Variants in PTK2B observed in about 807,000 individuals in gnomAD.
The protein encoded by PTK2B is protein-tyrosine kinase 2-beta.
In PTK2B, 71 loss-of-function variants were observed where a neutral mutation model predicts 142.9. The observed-to-expected ratio is 0.50, with a 90% confidence interval of 0.41 to 0.61. PTK2B has a LOEUF of 0.61. Ranked by LOEUF, PTK2B falls within the 20% of genes least tolerant of loss-of-function variation. PTK2B has a pLI of 0.00. For synonymous variants in PTK2B, 519 were observed against 503.4 expected (o/e 1.03, Z -0.42); for missense variants, 1,105 against 1,320.4 (o/e 0.84, Z 2.53).
intron 19 of PTK2B, 43 bp downstream of exon 19, chr8:27,439,174 G>A (rs778755112): frequency 5.0e-6 from 8 of 1,588,812 alleles, no homozygotes; most frequent in Middle Eastern, 1.7e-4. Context: ...TGGAGGGGTC[G>A]CTGAAGCCAA....
chr8:27,423,783 C>T (rs1809907349), intron 5 of PTK2B, among the ~76,000 whole-genome samples: 2 of 152,114 alleles, frequency 1.3e-5, no homozygotes, highest in African/African-American at 4.8e-5. Flanking sequence ...GGGAGAGTCC[C>T]ACTTTGATTT....
At chr8:27,387,381 G>C (rs1280379751) in intron 1 of PTK2B, among the ~76,000 whole-genome samples, 1 of 152,210 alleles carries the variant, frequency 6.6e-6, no homozygotes, top group African/African-American at 2.4e-5. Context: ...ATATGCAAAT[G>C]TGAAGCTCCT....
chr8:27,388,364 A>T (rs1563243233), intron 1 of PTK2B, among the ~76,000 whole-genome samples: 2 of 152,258 alleles, frequency 1.3e-5, no homozygotes, highest in Admixed American at 1.3e-4. Flanking sequence ...GTTAAAGATG[A>T]CAAAGAGTGT....
At chr8:27,454,666 A>G in intron 30 of PTK2B, 55 bp downstream of exon 30, 1 of 1,570,494 alleles carries the variant, frequency 6.4e-7, no homozygotes. Context: ...CCTGCTTATG[A>G]GCCTCATTAG....
rs1810734172 is a variant in PTK2B, at chr8:27,435,760, G to C, written c.1210G>C (p.Glu404Gln). The change falls in exon 14 of 31, where the codon GAG (glutamate) becomes CAG (glutamine). Residue 404 changes from glutamate (E) to glutamine (Q), a missense_variant. By Grantham distance (29) the Glu-to-Gln change is conservative. Coordinates refer to ENST00000346049, the MANE Select transcript of PTK2B (RefSeq NM_173176.3). ...TGTTCCAGAGTCAGACATCTACGCA[G>C]AGATTCCCGACGAAACCCTGCGAAG... Reference protein sequence around the residue: ...SCSIESDIYAEIPDETLRRPG... With the variant: ...SCSIESDIYAQIPDETLRRPG... 6.2e-7 allele frequency: 1 copy of C among 1,614,062 alleles called. No homozygotes were observed. The highest frequency in any genetic ancestry group is 1.3e-5 in the African/African-American group (1 of 74,928).
chr8:27,434,333 G>A (rs1415226857), intron 12 of PTK2B, among the ~76,000 whole-genome samples, 180 bp from the exon 13 acceptor site: 1 of 152,150 alleles, frequency 6.6e-6, no homozygotes, highest in African/African-American at 2.4e-5. Flanking sequence ...GTTATCCTGG[G>A]GGGTTGCTGC....
intron 1 of PTK2B, among the ~76,000 whole-genome samples, chr8:27,327,699 A>G (rs935228004): frequency 1.3e-5 from 2 of 152,206 alleles, no homozygotes; most frequent in African/African-American, 4.8e-5. Context: ...TTATTCATCT[A>G]TACAGGTGAA....
In PTK2B at chr8:27,365,900, A is replaced by G. The variant is rs148556482; in HGVS notation, c.-37-31648A>G. ...TGCTCCTCAGTTATGAAATGAACCA[A>G]TTAAGGACTTCGGACTTAGCCAGTC... On this transcript the variant is annotated intron_variant, in intron 1 of 30. Coordinates refer to ENST00000346049, the MANE Select transcript of PTK2B (RefSeq NM_173176.3). 1.5e-3 allele frequency among the ~76,000 whole-genome samples: 221 copies of G among 152,298 alleles called. 3 individuals carry two copies. Among genetic ancestry groups the G allele is most frequent in the Middle Eastern group, 0.014 (4 of 292 alleles).
At chr8:27,351,776 A>C (rs1805106882) in intron 1 of PTK2B, among the ~76,000 whole-genome samples, 1 of 152,222 alleles carries the variant, frequency 6.6e-6, no homozygotes, top group South Asian at 2.1e-4. Flanking sequence ...AGCAGTCAGC[A>C]AATCTCTCAA....
chr8:27,340,655 A>G (rs778788545), intron 1 of PTK2B, among the ~76,000 whole-genome samples: 10 of 152,256 alleles, frequency 6.6e-5, no homozygotes, highest in Non-Finnish European at 1.0e-4. Context: ...CCCAGGCCAC[A>G]GGAGCTCTTG....
chr8:27,390,743 T>C lies in PTK2B; in HGVS notation c.-37-6805T>C, dbSNP rs75536440. Reference sequence around the variant, plus strand: ...TTCCAAGTCACAGACACTTAAAAAATGTATGTGCCAAGGAGTTTGCAGAAG... The same window carrying C: ...TTCCAAGTCACAGACACTTAAAAAACGTATGTGCCAAGGAGTTTGCAGAAG... On this transcript the variant is annotated intron_variant, in intron 1 of 30. Coordinates refer to ENST00000346049, the MANE Select transcript of PTK2B (RefSeq NM_173176.3). Among the ~76,000 whole-genome samples the C allele has an allele frequency of 6.1e-3, 936 of 152,316 alleles. 11 individuals carry two copies. The highest frequency in any genetic ancestry group is 0.022 in the African/African-American group (907 of 41,570).
chr8:27,328,690 A>G (rs1284823136), intron 1 of PTK2B, among the ~76,000 whole-genome samples: 1 of 152,212 alleles, frequency 6.6e-6, no homozygotes, highest in African/African-American at 2.4e-5. Flanking sequence ...TGCAAGATCA[A>G]GGTTATGATA....
intron 10 of PTK2B, 83 bp from the exon 11 acceptor site, chr8:27,433,352 T>C (rs200814368): frequency 8.6e-7 from 1 of 1,162,844 alleles, no homozygotes; most frequent in South Asian, 1.4e-5. Flanking sequence ...GTGGCAGGGG[T>C]CCTGCCATCT....
intron 2 of PTK2B, among the ~76,000 whole-genome samples, chr8:27,400,381 T>C (rs1308380818): frequency 6.6e-6 from 1 of 150,910 alleles, no homozygotes; most frequent in Admixed American, 6.6e-5. Flanking sequence ...AACCACTAGA[T>C]CTCTGGCCAA....
intron 1 of PTK2B, among the ~76,000 whole-genome samples, chr8:27,351,990 A>G (rs1371202802): frequency 1.3e-5 from 2 of 152,210 alleles, no homozygotes; most frequent in South Asian, 2.1e-4. Flanking sequence ...GGTCTCTTCA[A>G]TAAATATGAC....
At chr8:27,322,535 A>G (rs1803242905), upstream of PTK2B, 1 of 152,226 alleles carries the variant, frequency 6.6e-6, no homozygotes, top group African/African-American at 2.4e-5. Flanking sequence ...AGCTTACTTT[A>G]ATTGCTATCA....
At chr8:27,328,640 G>T (rs954647837) in intron 1 of PTK2B, among the ~76,000 whole-genome samples, 2 of 152,172 alleles carry the variant, frequency 1.3e-5, no homozygotes, top group South Asian at 4.1e-4. Flanking sequence ...CTGATGAAAC[G>T]TTCAAATGAG....
intron 20 of PTK2B, among the ~76,000 whole-genome samples, chr8:27,439,607 T>G (rs1811028080): frequency 6.6e-6 from 1 of 152,074 alleles, no homozygotes; most frequent in Non-Finnish European, 1.5e-5. Context: ...GCCTGGGCTG[T>G]GCAGGCTCAT....
chr8:27,437,936 A>G, intron 18 of PTK2B, 56 bp downstream of exon 18: 1 of 1,433,922 alleles, frequency 7.0e-7, no homozygotes, highest in Non-Finnish European at 9.7e-7. Context: ...CCAGATCCTC[A>G]AGGCCTCTGG....
Sources: gnomAD v4.1 joint callset for allele counts (sites outside exome capture counted in the v4.1 genomes callset) on GRCh38, gnomAD v4.1.1 for gene constraint, MANE v1.5 for transcripts, NCBI Gene and HGNC (gene_info 2026-07-23, HGNC 2026-07-21) for gene names.